The following CDH13 variants were observed in gnomAD, a reference collection of about 807,000 sequenced individuals.
CDH13 encodes cadherin 13.
Under a neutral mutation model 63.8 loss-of-function variants are expected in CDH13, and 24 were observed. The observed-to-expected ratio is 0.38, with a 90% CI of 0.27 to 0.53. CDH13 has a LOEUF of 0.53. CDH13 is among the 20% of genes least tolerant of loss of function. The pLI, the probability that CDH13 is intolerant of heterozygous loss-of-function variation, is 0.85. For missense variants in CDH13, 1,049 were observed against 903.1 expected (o/e 1.16, Z -2.07); for synonymous variants, 503 against 355.3 (o/e 1.42, Z -4.67).
In CDH13 at chr16:83,076,097, A is replaced by C. The variant is rs117703400; in HGVS notation, c.366+43879A>C. ...TCCAGACATCCTGCCTGATGAACATAAAATTGGAAGGAAAAAAAAGTAAAT... is the reference window on the plus strand; with the variant it reads ...TCCAGACATCCTGCCTGATGAACATCAAATTGGAAGGAAAAAAAAGTAAAT... On this transcript the variant is annotated intron_variant, in intron 3 of 13. Coordinates refer to ENST00000567109, the MANE Select transcript of CDH13 (RefSeq NM_001257.5). Among the ~76,000 whole-genome samples, 611 of 152,324 alleles carry C rather than the reference A, an allele frequency of 4.0e-3. 2 individuals carry two copies. Among genetic ancestry groups the C allele is most frequent in the Non-Finnish European group, 6.4e-3 (434 of 68,036 alleles).
At chr16:82,974,839 AC>A (rs1441740684) in intron 2 of CDH13, among the ~76,000 whole-genome samples, 3 of 152,208 alleles carry the variant, frequency 2.0e-5, no homozygotes, top group Admixed American at 6.5e-5. Flanking sequence ...TCCATGTCAG[AC>A]TTTTGACCTC....
At chr16:83,677,781 T>G (rs998078780) in intron 9 of CDH13, among the ~76,000 whole-genome samples, 2 of 152,084 alleles carry the variant, frequency 1.3e-5, no homozygotes, top group African/African-American at 4.8e-5. Context: ...AGAGCCCCCG[T>G]GGGTGTCGGG....
intron 8 of CDH13, among the ~76,000 whole-genome samples, chr16:83,668,123 C>G (rs1002501410): frequency 2.6e-5 from 4 of 152,194 alleles, no homozygotes; most frequent in Non-Finnish European, 5.9e-5. Context: ...GTGGCAGAAT[C>G]AGGTGTCAGT....
chr16:83,340,744 C>T (rs951232957), intron 5 of CDH13, among the ~76,000 whole-genome samples: 1 of 152,180 alleles, frequency 6.6e-6, no homozygotes, highest in East Asian at 1.9e-4. Flanking sequence ...ACAGCACAGA[C>T]ATTGGTCAGA....
At chr16:82,896,083 A>G (rs550969089) in intron 2 of CDH13, among the ~76,000 whole-genome samples, 3 of 152,170 alleles carry the variant, frequency 2.0e-5, no homozygotes, top group Non-Finnish European at 4.4e-5. Flanking sequence ...TGTTGTTTAT[A>G]TAATATTTCA....
intron 2 of CDH13, among the ~76,000 whole-genome samples, chr16:82,981,832 G>A (rs1405415188): frequency 6.6e-6 from 1 of 152,098 alleles, no homozygotes; most frequent in African/African-American, 2.4e-5. Flanking sequence ...GCTACCAGTG[G>A]CTTCCTAATG....
intron 8 of CDH13, among the ~76,000 whole-genome samples, chr16:83,607,430 A>G (rs1439241407): frequency 1.3e-5 from 2 of 152,136 alleles, no homozygotes; most frequent in Admixed American, 6.5e-5. Context: ...AAAAAAAAAG[A>G]AAAACATGTA....
At chr16:83,077,199 T>TTTTTTTTTTTTTTTTTTC in intron 3 of CDH13, among the ~76,000 whole-genome samples, 1 of 128,836 alleles carries the variant, frequency 7.8e-6, no homozygotes, top group African/African-American at 3.0e-5. Context: ...TTTTTTTTTT[T>TTTTTTTTTTTTTTTTTTC]TTTTTTTTTT....
chr16:83,423,523 A>G (rs542808138), intron 6 of CDH13, among the ~76,000 whole-genome samples: 2 of 152,022 alleles, frequency 1.3e-5, no homozygotes, highest in Non-Finnish European at 2.9e-5. Context: ...GAAAAACCTC[A>G]AATGGGTAGA....
At chr16:83,236,871 T>C (rs2040160044) in intron 5 of CDH13, among the ~76,000 whole-genome samples, 1 of 152,052 alleles carries the variant, frequency 6.6e-6, no homozygotes. Flanking sequence ...CATGGAAATG[T>C]TTTGGAACTA....
chr16:83,337,114 T>C (rs1425630279), intron 5 of CDH13, among the ~76,000 whole-genome samples: 1 of 152,220 alleles, frequency 6.6e-6, no homozygotes, highest in African/African-American at 2.4e-5. Flanking sequence ...GGGATTCTTT[T>C]CAAAGCATTT....
At chr16:82,847,683 C>T (rs1053916040) in intron 1 of CDH13, among the ~76,000 whole-genome samples, 3 of 152,144 alleles carry the variant, frequency 2.0e-5, no homozygotes, top group Non-Finnish European at 2.9e-5. Context: ...AGGGTGAGGA[C>T]ATCTTTAGGG....
chr16:82,987,505 T>C (rs941459922), intron 2 of CDH13, among the ~76,000 whole-genome samples: 1 of 152,168 alleles, frequency 6.6e-6, no homozygotes, highest in African/African-American at 2.4e-5. Flanking sequence ...GCCTCCTCTG[T>C]AGCTGGTATT....
At chr16:83,465,603 A>T (rs957075665) in intron 6 of CDH13, among the ~76,000 whole-genome samples, 1 of 152,222 alleles carries the variant, frequency 6.6e-6, no homozygotes, top group Non-Finnish European at 1.5e-5. Flanking sequence ...TAAAGGAAAT[A>T]GGAGATGCTT....
At chr16:83,682,912 A>G (rs2150878080) in intron 10 of CDH13, among the ~76,000 whole-genome samples, 1 of 152,264 alleles carries the variant, frequency 6.6e-6, no homozygotes, top group Admixed American at 6.5e-5. Context: ...CATGGTCAAC[A>G]TGGGAAGCCT....
intron 2 of CDH13, among the ~76,000 whole-genome samples, chr16:82,864,662 G>C (rs1372962445): frequency 6.6e-6 from 1 of 152,186 alleles, no homozygotes; most frequent in African/African-American, 2.4e-5. Context: ...GAATCATGGG[G>C]ATTACAATTC....
rs189491447 is a variant in CDH13, at chr16:82,815,488, G to A, written c.46-42874G>A. 3.9e-5 allele frequency among the ~76,000 whole-genome samples: 6 copies of A among 152,170 alleles called. No homozygotes were observed. The East Asian group carries it at 7.7e-4, about 20-fold the overall frequency. ...GTGTGTCAGGTGCTCAGAACAATGC[G>A]TGGAACATGGAAAACACTCCCTACA... is the stretch of plus-strand genomic sequence containing the variant. On this transcript the variant is annotated intron_variant, in intron 1 of 13. Coordinates refer to ENST00000567109, the MANE Select transcript of CDH13 (RefSeq NM_001257.5).
chr16:83,718,432 G>A (rs780185926), intron 10 of CDH13, among the ~76,000 whole-genome samples: 12 of 152,166 alleles, frequency 7.9e-5, no homozygotes, highest in South Asian at 2.1e-4. Context: ...GAGTGTGAGC[G>A]TTTTCAAGAG....
At chr16:83,428,222 G>C (rs2071974666) in intron 6 of CDH13, among the ~76,000 whole-genome samples, 1 of 152,126 alleles carries the variant, frequency 6.6e-6, no homozygotes, top group African/African-American at 2.4e-5. Flanking sequence ...ACCTTCCATG[G>C]GATCCAAGAG....
Sources: allele counts gnomAD v4.1 joint callset (sites outside exome capture counted in the v4.1 genomes callset), GRCh38; gene constraint gnomAD v4.1.1; transcripts MANE v1.5; gene names NCBI Gene and HGNC (gene_info 2026-07-23, HGNC 2026-07-21).